PSD3: variants seen among roughly 807,000 people sequenced by gnomAD.
The protein encoded by PSD3 is PH and SEC7 domain-containing protein 3.
In PSD3, 49 loss-of-function variants were observed where a neutral mutation model predicts 105.5. The ratio of observed to expected loss-of-function variants is 0.46; its 90% confidence interval spans 0.37 to 0.59. The LOEUF is 0.59. PSD3 is among the 20% of genes least tolerant of loss of function. PSD3 has a pLI of 0.00. For synonymous variants in PSD3, 557 were observed against 457.8 expected (o/e 1.22, Z -2.77); for missense variants, 1,561 against 1,263.8 (o/e 1.24, Z -3.57).
chr8:18,682,247 T>C (rs948824047), intron 9 of PSD3, among the ~76,000 whole-genome samples: 2 of 152,168 alleles, frequency 1.3e-5, no homozygotes, highest in Non-Finnish European at 2.9e-5. Context: ...GCTCTTAATT[T>C]CCCATAGCCT....
chr8:18,639,763 T>C (rs559688140), intron 10 of PSD3, among the ~76,000 whole-genome samples: 1 of 152,272 alleles, frequency 6.6e-6, no homozygotes, highest in African/African-American at 2.4e-5. Context: ...TTGTGGCATT[T>C]TGTTATGGCA....
intron 6 of PSD3, chr8:18,803,054 G>C (rs1810848371): frequency 6.4e-6 from 1 of 157,084 alleles, no homozygotes; most frequent in Non-Finnish European, 1.4e-5. Flanking sequence ...GAGAGGCTGA[G>C]GCGGGTGGAC....
chr8:19,062,690 A>G (rs1183690030), intron 1 of PSD3, among the ~76,000 whole-genome samples: 1 of 152,238 alleles, frequency 6.6e-6, no homozygotes, highest in Non-Finnish European at 1.5e-5. Context: ...AACTTCTAAA[A>G]TAAAAATAAT....
At chr8:18,774,289 T>C (rs1038651218) in intron 8 of PSD3, among the ~76,000 whole-genome samples, 2 of 152,242 alleles carry the variant, frequency 1.3e-5, no homozygotes, top group African/African-American at 4.8e-5. Context: ...ATGTGATATC[T>C]TGATATATGT....
At chr8:18,940,823 C>G (rs1822489664) in intron 1 of PSD3, among the ~76,000 whole-genome samples, 2 of 152,138 alleles carry the variant, frequency 1.3e-5, no homozygotes, top group Admixed American at 6.5e-5. Context: ...GGAGATCTAT[C>G]CGTCTTGCAG....
intron 1 of PSD3, among the ~76,000 whole-genome samples, chr8:19,029,230 T>C (rs1827672709): frequency 6.6e-6 from 1 of 152,210 alleles, no homozygotes; most frequent in East Asian, 1.9e-4. Flanking sequence ...TGGCACTGAA[T>C]CTGTAGGTCA....
At chr8:18,714,033 T>C (rs1217338794) in intron 9 of PSD3, among the ~76,000 whole-genome samples, 14 of 152,014 alleles carry the variant, frequency 9.2e-5, no homozygotes, top group Non-Finnish European at 1.9e-4. Flanking sequence ...AATGGGGAAA[T>C]GATTCCCTAT....
At chr8:18,888,261 G>A (rs758042076) in intron 2 of PSD3, among the ~76,000 whole-genome samples, 26 of 152,190 alleles carry the variant, frequency 1.7e-4, no homozygotes, top group Non-Finnish European at 3.2e-4. Flanking sequence ...AATACACCCA[G>A]AAACAGAAGC....
At chr8:18,774,986 T>C (rs1382592579) in intron 8 of PSD3, 2 of 455,948 alleles carry the variant, frequency 4.4e-6, no homozygotes, top group Admixed American at 2.4e-5. Flanking sequence ...TAATCAACCT[T>C]TCAAAACCCT....
chr8:18,859,708 C>A (rs1407671364), intron 4 of PSD3, among the ~76,000 whole-genome samples: 2 of 152,182 alleles, frequency 1.3e-5, no homozygotes, highest in Non-Finnish European at 2.9e-5. Context: ...ACCTCATAAA[C>A]CACCCTCGGC....
At chr8:18,603,810 C>G (rs977220756) in intron 11 of PSD3, among the ~76,000 whole-genome samples, 1 of 152,172 alleles carries the variant, frequency 6.6e-6, no homozygotes, top group African/African-American at 2.4e-5. Context: ...AGTTTGCTTG[C>G]TCCTTCTCTG....
At chr8:18,727,174 A>G (rs1170129386) in intron 9 of PSD3, among the ~76,000 whole-genome samples, 3 of 151,966 alleles carry the variant, frequency 2.0e-5, no homozygotes, top group Non-Finnish European at 4.4e-5. Context: ...CATCTCTACT[A>G]AAAATACAAA....
intron 9 of PSD3, among the ~76,000 whole-genome samples, chr8:18,765,146 T>C (rs1806867229): frequency 1.3e-5 from 2 of 152,222 alleles, no homozygotes. Flanking sequence ...GGGATCTTTC[T>C]TAAATTCTGA....
chr8:18,814,683 A>G (rs1414022790), intron 4 of PSD3, among the ~76,000 whole-genome samples: 2 of 152,238 alleles, frequency 1.3e-5, no homozygotes, highest in Non-Finnish European at 2.9e-5. Flanking sequence ...AAACAAATGT[A>G]TATGCTCATT....
chr8:18,949,954 C>G (rs1443762747), intron 1 of PSD3, among the ~76,000 whole-genome samples: 1 of 152,026 alleles, frequency 6.6e-6, no homozygotes, highest in Non-Finnish European at 1.5e-5. Flanking sequence ...TGTCAATTAC[C>G]AGTAAAGTCA....
chr8:18,940,999 A>C (rs1286191854), intron 1 of PSD3, among the ~76,000 whole-genome samples: 2 of 152,138 alleles, frequency 1.3e-5, no homozygotes, highest in African/African-American at 2.4e-5. Flanking sequence ...CTATTGATAC[A>C]TCCTCTTCCC....
intron 1 of PSD3, among the ~76,000 whole-genome samples, chr8:18,984,497 C>CA (rs1381680625): frequency 3.3e-5 from 5 of 151,540 alleles, no homozygotes; most frequent in Middle Eastern, 3.4e-3. Context: ...TTAAAAATAC[C>CA]AAAAAAATGG....
Position 18,528,686 on chromosome 8 carries a change from G to T in PSD3, c.*7057C>A, listed in dbSNP as rs930164856. 6.6e-6 allele frequency: 1 copy of T among 152,578 alleles called. No homozygotes were observed. The highest frequency in any genetic ancestry group is 2.4e-5 in the African/African-American group (1 of 41,432). 9.5% of individuals were successfully genotyped at this position (152,578 alleles called of 1,614,324 possible). On this transcript the variant is annotated 3_prime_UTR_variant, in exon 16 of 16. Coordinates refer to ENST00000327040, the MANE Select transcript of PSD3 (RefSeq NM_015310.4). The stretch of plus-strand genomic sequence containing the variant: ...GCAGTGAGCCTCAGACCTGCAGTGT[G>T]GTCCTTAATCGAGCCTTGGGCTGGG...
At chr8:18,980,596 T>C (rs1825201756) in intron 1 of PSD3, among the ~76,000 whole-genome samples, 1 of 152,270 alleles carries the variant, frequency 6.6e-6, no homozygotes, top group East Asian at 1.9e-4. Context: ...ATTCATCTCA[T>C]CTATTTTATC....
Sources: gnomAD v4.1 joint callset for allele counts (sites outside exome capture counted in the v4.1 genomes callset) on GRCh38, gnomAD v4.1.1 for gene constraint, MANE v1.5 for transcripts, NCBI Gene and HGNC (gene_info 2026-07-23, HGNC 2026-07-21) for gene names.